The following CAMTA1 variants were observed in gnomAD, a reference collection of about 807,000 sequenced individuals.
The protein encoded by CAMTA1 is calmodulin binding transcription activator 1.
Under a neutral mutation model 170.9 loss-of-function variants are expected in CAMTA1, and 27 were observed. That is an observed-to-expected ratio of 0.16 (90% confidence interval 0.12 to 0.22). CAMTA1 has a LOEUF of 0.22. Among genes scored for constraint, CAMTA1 ranks in the 10% least tolerant of loss-of-function variants. The pLI, the probability that CAMTA1 is intolerant of heterozygous loss-of-function variation, is 1.00. For missense variants in CAMTA1, 1,619 were observed against 2,217.2 expected, an observed-to-expected ratio of 0.73 and a Z score of 5.42; for synonymous variants, 833 against 891.5, an observed-to-expected ratio of 0.93 and a Z score of 1.17.
intron 6 of CAMTA1, among the ~76,000 whole-genome samples, chr1:7,589,836 T>A (rs1037578025): frequency 2.6e-5 from 4 of 152,138 alleles, no homozygotes; most frequent in Non-Finnish European, 5.9e-5. Context: ...CCGAGGCCCC[T>A]CCATCAATGC....
chr1:7,498,998 G>A (rs1359517245), intron 6 of CAMTA1, among the ~76,000 whole-genome samples: 1 of 124,142 alleles, frequency 8.1e-6, no homozygotes, highest in East Asian at 2.5e-4. Flanking sequence ...GTATGTATAT[G>A]AGTGTGTGTG....
chr1:6,823,996 C>T (rs1203888868), intron 2 of CAMTA1, among the ~76,000 whole-genome samples: 1 of 152,084 alleles, frequency 6.6e-6, no homozygotes, highest in East Asian at 1.9e-4. Flanking sequence ...TACCCAAGGT[C>T]ACACAATTAG....
chr1:7,499,023 AGTGAGT>A, intron 6 of CAMTA1, among the ~76,000 whole-genome samples: 2 of 17,888 alleles, frequency 1.1e-4, no homozygotes, highest in Admixed American at 5.6e-4. Flanking sequence ...TGTGTCCATG[AGTGAGT>A]GTGTAGAGAG....
chr1:7,244,987 A>G lies in CAMTA1; in HGVS notation c.303-4504A>G, dbSNP rs554931506. Among the ~76,000 whole-genome samples the G allele has an allele frequency of 1.1e-3, 163 of 151,984 alleles. 1 individual carries two copies. The highest frequency in any genetic ancestry group is 3.7e-3 in the African/African-American group (153 of 41,496). ...GATCATAACTCTACCTAACCAAGAC[A>G]TGTTTTTGCATGAATCAAAACCTAC... On this transcript the variant is annotated intron_variant, in intron 4 of 22. Transcript: ENST00000303635.
chr1:6,942,859 G>A (rs1457237053), intron 3 of CAMTA1, among the ~76,000 whole-genome samples: 1 of 152,176 alleles, frequency 6.6e-6, no homozygotes, highest in Non-Finnish European at 1.5e-5. Flanking sequence ...ATGTTTGCGT[G>A]TTTAAGGACT....
intron 7 of CAMTA1, among the ~76,000 whole-genome samples, chr1:7,645,763 AG>A (rs2095798883): frequency 6.6e-6 from 1 of 152,264 alleles, no homozygotes; most frequent in African/African-American, 2.4e-5. Context: ...GGCGGGCGGC[AG>A]GAGGGCTGGC....
At chr1:7,400,622 G>A (rs2089821963) in intron 5 of CAMTA1, among the ~76,000 whole-genome samples, 1 of 152,110 alleles carries the variant, frequency 6.6e-6, no homozygotes, top group Non-Finnish European at 1.5e-5. Context: ...CAATTTTATA[G>A]GGTGGCTTTC....
chr1:7,680,861 C>CGCCAG lies in CAMTA1; in HGVS notation c.2914+3128_2914+3129insGCCAG, dbSNP rs1553247057. ...GAGAACACGCGCGCGCGCGCGCGCG[C>CGCCAG]CAGCAGCAGCAGCAGCAGCAGCTGC... is the stretch of plus-strand genomic sequence containing the variant. On this transcript the variant is annotated intron_variant, in intron 11 of 22. Transcript: ENST00000303635. The surrounding 1 kb of genome is among the most constrained non-coding windows in gnomAD (Gnocchi z 4.4). 5.5e-3 allele frequency among the ~76,000 whole-genome samples: 748 copies of CGCCAG among 136,556 alleles called. 2 individuals carry two copies. The highest frequency in any genetic ancestry group is 9.5e-3 in the Non-Finnish European group (582 of 61,378). The allele number at this position is 136,556 out of a possible 152,430, so 89.6% of individuals were successfully genotyped here. A position where few individuals can be genotyped will look rare whatever the true frequency, so the allele number is the denominator to read the frequency against.
intron 6 of CAMTA1, among the ~76,000 whole-genome samples, chr1:7,629,447 T>C (rs1243427701): frequency 6.6e-6 from 1 of 151,880 alleles, no homozygotes; most frequent in African/African-American, 2.4e-5. Context: ...TTTCAGCCCA[T>C]GTCGCCTTGC....
chr1:7,431,838 C>T (rs1316041578), intron 5 of CAMTA1, among the ~76,000 whole-genome samples: 1 of 152,174 alleles, frequency 6.6e-6, no homozygotes, highest in Non-Finnish European at 1.5e-5. Flanking sequence ...CCCTGGAGAC[C>T]ACCCTTACCT....
At chr1:7,032,125 C>G (rs1702897827) in intron 3 of CAMTA1, among the ~76,000 whole-genome samples, 1 of 152,118 alleles carries the variant, frequency 6.6e-6, no homozygotes, top group Non-Finnish European at 1.5e-5. Context: ...ACCACCATGT[C>G]TAGCTAATTT....
intron 11 of CAMTA1, among the ~76,000 whole-genome samples, chr1:7,720,081 G>T (rs2096639306): frequency 6.6e-6 from 1 of 152,228 alleles, no homozygotes; most frequent in African/African-American, 2.4e-5. Context: ...GCTCAGCTCA[G>T]CAGTTGTAAT....
intron 3 of CAMTA1, among the ~76,000 whole-genome samples, chr1:6,975,509 G>A (rs1440393940): frequency 3.3e-5 from 5 of 152,180 alleles, no homozygotes; most frequent in African/African-American, 9.7e-5. Flanking sequence ...TGCTACGAGA[G>A]TCTGGGGAGC....
At position 7,562,802 on chromosome 1, in the gene CAMTA1, C is replaced by T. The variant is rs1469253713; in HGVS notation, c.511-77598C>T. On this transcript the variant is annotated intron_variant, in intron 6 of 22. Transcript: ENST00000303635. The surrounding 1 kb of genome is among the most constrained non-coding windows in gnomAD (Gnocchi z 4.8). ...CTTCTTGTTCTCATGGTCCCCAGGA[C>T]CCCCAAGCAAGGCGGACGGGATGAC... Among the ~76,000 whole-genome samples, 1 of 152,164 alleles carries T rather than the reference C, an allele frequency of 6.6e-6. No individual in the cohort carries two copies. The highest frequency in any genetic ancestry group is 1.5e-5 in the Non-Finnish European group (1 of 68,030).
At chr1:7,679,374 C>G (rs533443641) in intron 11 of CAMTA1, among the ~76,000 whole-genome samples, 1 of 152,310 alleles carries the variant, frequency 6.6e-6, no homozygotes, top group East Asian at 1.9e-4. Flanking sequence ...TGCCCCAGAG[C>G]TCAGGACACA....
chr1:7,216,521 T>C lies in CAMTA1; in HGVS notation c.303-32970T>C, dbSNP rs931555418. ...TTTCATTTTCCTTCCTTCCTTCCTT[T>C]CTTTCTTTCGTTCTTTCACAGAACT... On this transcript the variant is annotated intron_variant, in intron 4 of 22. Coordinates refer to ENST00000303635, the MANE Select transcript of CAMTA1 (RefSeq NM_015215.4). The surrounding 1 kb of genome is among the most constrained non-coding windows in gnomAD (Gnocchi z 4.0). Among the ~76,000 whole-genome samples, 7 of 152,142 alleles carry C rather than the reference T, an allele frequency of 4.6e-5. No homozygotes were observed. The highest frequency in any genetic ancestry group is 8.8e-5 in the Non-Finnish European group (6 of 68,014).
chr1:7,708,495 C>CA (rs1034744435), intron 11 of CAMTA1, among the ~76,000 whole-genome samples: 4 of 151,704 alleles, frequency 2.6e-5, no homozygotes, highest in Non-Finnish European at 4.4e-5. Flanking sequence ...GACCCTGATT[C>CA]AAAAAAAAGA....
chr1:6,861,685 G>A (rs763998917), intron 3 of CAMTA1, among the ~76,000 whole-genome samples: 15 of 152,080 alleles, frequency 9.9e-5, no homozygotes, highest in Non-Finnish European at 1.8e-4. Context: ...AGCTTGATAT[G>A]GATTGGCCAA....
intron 2 of CAMTA1, among the ~76,000 whole-genome samples, chr1:6,822,719 T>A (rs1646631366): frequency 6.6e-6 from 1 of 151,988 alleles, no homozygotes; most frequent in Non-Finnish European, 1.5e-5. Flanking sequence ...TGATTTGGTA[T>A]CAGAGTGGAA....
Sources: gnomAD v4.1 joint callset for allele counts (sites outside exome capture counted in the v4.1 genomes callset) on GRCh38, gnomAD v4.1.1 for gene constraint, Gnocchi (gnomAD v3.1) non-coding constraint, MANE v1.5 for transcripts, NCBI Gene and HGNC (gene_info 2026-07-23, HGNC 2026-07-21) for gene names.